The following BBS7 variants were observed in gnomAD, a reference collection of about 807,000 sequenced individuals.
BBS7 encodes the protein Bardet-Biedl syndrome 7.
A neutral mutation model predicts 90.3 loss-of-function variants in BBS7; 50 were observed. The ratio of observed to expected loss-of-function variants is 0.55; its 90% confidence interval spans 0.44 to 0.70. The LOEUF (loss-of-function observed/expected upper bound fraction) is 0.70, where lower values mean the gene tolerates loss of function less well. Among genes scored for constraint, BBS7 ranks in the 30% least tolerant of loss-of-function variants. BBS7 has a pLI of 0.00. For missense variants in BBS7, 729 were observed against 838.9 expected, an observed-to-expected ratio of 0.87 and a Z score of 1.62; for synonymous variants, 235 against 287.4, an observed-to-expected ratio of 0.82 and a Z score of 1.85.
At chr4:121,866,335 T>C (rs1349303656) in intron 2 of BBS7, among the ~76,000 whole-genome samples, 1 of 152,186 alleles carries the variant, frequency 6.6e-6, no homozygotes, top group African/African-American at 2.4e-5. Flanking sequence ...AGGTCTTTTT[T>C]TGTTTTTTGT....
At position 121,870,457 on chromosome 4, in the gene BBS7, C is replaced by CA; in HGVS notation, c.-145dup. Reference sequence around the variant, plus strand: ...GCTACCGCGCCTAGGTCCTGGGCTGCACAGGCGGGGCGACAGGGCAGTGGC... The same window carrying CA: ...GCTACCGCGCCTAGGTCCTGGGCTGCAACAGGCGGGGCGACAGGGCAGTGGC... On this transcript the variant is annotated 5_prime_UTR_variant, in exon 1 of 19. Coordinates refer to ENST00000264499, the MANE Select transcript of BBS7 (RefSeq NM_176824.3). 2 of 866,432 alleles carry CA rather than the reference C, an allele frequency of 2.3e-6. No individual in the cohort carries two copies. Among genetic ancestry groups the CA allele is most frequent in the South Asian group, 2.9e-5 (2 of 68,910 alleles). 53.7% of individuals were successfully genotyped at this position (866,432 alleles called of 1,614,324 possible).
At chr4:121,857,581 C>T (rs1306681688) in intron 5 of BBS7, among the ~76,000 whole-genome samples, 1 of 152,028 alleles carries the variant, frequency 6.6e-6, no homozygotes, top group African/African-American at 2.4e-5. Flanking sequence ...GCATGCGGTG[C>T]AGAGGGAAAG....
At chr4:121,831,982 CAAAT>C (rs1725203789) in intron 15 of BBS7, among the ~76,000 whole-genome samples, 1 of 147,074 alleles carries the variant, frequency 6.8e-6, no homozygotes, top group African/African-American at 2.6e-5. Flanking sequence ...CTCTCCCAGA[CAAAT>C]AACACAAAGC....
Position 121,853,069 on chromosome 4 carries a change from T to C in BBS7, c.736A>G (p.Ser246Gly). 2 of 1,613,456 alleles carry C rather than the reference T, an allele frequency of 1.2e-6. No individual in the cohort carries two copies. The highest frequency in any genetic ancestry group is 1.7e-6 in the Non-Finnish European group (2 of 1,179,484). ...KKRGGILCID[S>G]FDIVGDGVKD... ...ACCCCATCACCCACAATGTCAAAGCTGTCAATACACAAAATACCTTTAAAA... is the reference window on the plus strand; with the variant it reads ...ACCCCATCACCCACAATGTCAAAGCCGTCAATACACAAAATACCTTTAAAA... The change falls in exon 8 of 19, where the codon AGC (serine) becomes GGC (glycine). Residue 246 changes from serine (S) to glycine (G), a missense_variant. Transcript: ENST00000264499.
chr4:121,825,903 C>A lies in BBS7; in HGVS notation c.2105G>T (p.Ser702Ile), dbSNP rs1276357526. Reference protein sequence around the residue: ...KVPLLLEILDSYDQNALISFF... With the variant: ...KVPLLLEILDIYDQNALISFF... ...TGAAATCAATGCATTTTGGTCATAA[C>A]TGTCCAGAATTTCCAATAGAAGGGG... Residue 702 changes from serine (S) to isoleucine (I), a missense_variant, in exon 19 of 19, where the codon AGT becomes ATT. By Grantham distance (142) the Ser-to-Ile change is moderately radical. Transcript: ENST00000264499. 4 of 1,613,008 alleles carry A rather than the reference C, an allele frequency of 2.5e-6. No individual in the cohort carries two copies. Among genetic ancestry groups the A allele is most frequent in the Admixed American group, 3.3e-5 (2 of 59,982 alleles).
At chr4:121,839,385 G>T (rs1329501488) in intron 13 of BBS7, among the ~76,000 whole-genome samples, 1 of 151,978 alleles carries the variant, frequency 6.6e-6, no homozygotes, top group Non-Finnish European at 1.5e-5. Flanking sequence ...TGGGCAACAT[G>T]GCAAAATCCA....
Position 121,825,743 on chromosome 4 carries a change from T to C in BBS7, c.*117A>G. 3 of 999,388 alleles carry C rather than the reference T, an allele frequency of 3.0e-6. 1 individual carries two copies. In the South Asian group the frequency reaches 5.6e-5, roughly 19 times the overall value. The allele number at this position is 999,388 out of a possible 1,614,324, so 61.9% of individuals were successfully genotyped here. A position where few individuals can be genotyped will look rare whatever the true frequency, so the allele number is the denominator to read the frequency against. On this transcript the variant is annotated 3_prime_UTR_variant, in exon 19 of 19. Coordinates refer to ENST00000264499, the MANE Select transcript of BBS7 (RefSeq NM_176824.3). ...TTAAAAAGCCATTATATCTCAAATA[T>C]TTTTAGATATAAAAAAGCATTTGAA... is the stretch of plus-strand genomic sequence containing the variant.
intron 8 of BBS7, among the ~76,000 whole-genome samples, chr4:121,852,379 AAAAT>A (rs1726369384): frequency 6.6e-6 from 1 of 152,162 alleles, no homozygotes; most frequent in Admixed American, 6.5e-5. Context: ...CTAGTTCATG[AAAAT>A]TAAAGATTCA....
intron 2 of BBS7, among the ~76,000 whole-genome samples, chr4:121,867,379 A>C (rs1727344786): frequency 6.6e-6 from 1 of 151,712 alleles, no homozygotes; most frequent in Non-Finnish European, 1.5e-5. Flanking sequence ...AGATAATTTG[A>C]CTCTCCTTTC....
chr4:121,834,640 G>A (rs566592728), intron 14 of BBS7, among the ~76,000 whole-genome samples: 1 of 152,082 alleles, frequency 6.6e-6, no homozygotes, highest in Non-Finnish European at 1.5e-5. Flanking sequence ...AAAGTAATCA[G>A]TAATTGTTCA....
At chr4:121,854,865 G>C (rs1283157598) in intron 6 of BBS7, 45 bp from the exon 7 acceptor site, 1 of 1,525,754 alleles carries the variant, frequency 6.6e-7, no homozygotes, top group South Asian at 1.2e-5. Context: ...CCTACAATTA[G>C]TAATCTCTTT....
At chr4:121,844,855 A>C (rs1725922651) in intron 11 of BBS7, among the ~76,000 whole-genome samples, 2 of 152,180 alleles carry the variant, frequency 1.3e-5, no homozygotes, top group African/African-American at 4.8e-5. Flanking sequence ...TGTTCTAGCA[A>C]GGGCATTAAA....
At chr4:121,854,612 T>C in intron 7 of BBS7, 92 bp downstream of exon 7, 2 of 1,241,674 alleles carry the variant, frequency 1.6e-6, no homozygotes, top group East Asian at 2.8e-5. Flanking sequence ...GTCTGCTATG[T>C]AGTATAAATA....
Position 121,828,503 on chromosome 4 carries a change from T to G in BBS7, c.1789A>C (p.Ile597Leu). The G allele has an allele frequency of 6.2e-7, 1 of 1,612,388 alleles. No homozygotes were observed. Residue 597 changes from isoleucine to leucine, a missense_variant and splice_region_variant, in exon 17 of 19, where the codon ATA becomes CTA. Coordinates refer to ENST00000264499, the MANE Select transcript of BBS7 (RefSeq NM_176824.3). ...RKINLNISYE[I>L]NEVSVKHTLK... ...GTGTGTTTGACTGATACTTCATTTA[T>G]CTCTAGAAGGAGTTGACCAGATGCA...
chr4:121,828,363 A>C, intron 17 of BBS7, 39 bp downstream of exon 17: 1 of 1,594,498 alleles, frequency 6.3e-7, no homozygotes. Context: ...CTATGACTTC[A>C]AATAATAATC....
intron 2 of BBS7, among the ~76,000 whole-genome samples, chr4:121,864,724 T>C (rs917358700): frequency 2.0e-5 from 3 of 152,174 alleles, no homozygotes; most frequent in African/African-American, 7.2e-5. Context: ...ATACAGTAAA[T>C]GACAATCAGA....
intron 10 of BBS7, among the ~76,000 whole-genome samples, chr4:121,847,144 A>C (rs536187184): frequency 1.8e-4 from 28 of 152,314 alleles, no homozygotes; most frequent in South Asian, 4.1e-4. Context: ...CACACACACA[A>C]AAAAGAAAAA....
intron 11 of BBS7, among the ~76,000 whole-genome samples, 182 bp downstream of exon 11, chr4:121,845,322 C>T (rs1037258112): frequency 3.3e-5 from 5 of 151,800 alleles, no homozygotes; most frequent in Non-Finnish European, 7.4e-5. Context: ...GAGCTGAGAT[C>T]GCACCACTGC....
intron 7 of BBS7, among the ~76,000 whole-genome samples, chr4:121,854,402 C>T (rs1420732092): frequency 1.3e-5 from 2 of 152,134 alleles, no homozygotes; most frequent in Non-Finnish European, 2.9e-5. Context: ...CCAATTAATT[C>T]TGTACCTCAA....
Sources: allele counts gnomAD v4.1 joint callset (sites outside exome capture counted in the v4.1 genomes callset), GRCh38; gene constraint gnomAD v4.1.1; transcripts MANE v1.5; gene names NCBI Gene and HGNC (gene_info 2026-07-23, HGNC 2026-07-21).